Variants in TENM4 observed in about 807,000 individuals in gnomAD.
The protein encoded by TENM4 is teneurin transmembrane protein 4, also known as teneurin-4.
In TENM4, 82 loss-of-function variants were observed where a neutral mutation model predicts 243.3. That is an observed-to-expected ratio of 0.34 (90% CI 0.28 to 0.40). The LOEUF is 0.40. TENM4 is among the 10% of genes least tolerant of loss of function. The probability of loss-of-function intolerance (pLI) is 1.00; values close to 1 mark genes in which losing one functional copy is unlikely to be tolerated. For synonymous variants in TENM4, 1,412 were observed against 1,456.3 expected (o/e 0.97, Z 0.69); for missense variants, 3,138 against 3,673.3 (o/e 0.85, Z 3.77).
chr11:79,420,899 A>C (rs983233100), intron 1 of TENM4, among the ~76,000 whole-genome samples: 2 of 152,162 alleles, frequency 1.3e-5, no homozygotes, highest in Admixed American at 1.3e-4. Context: ...CAGGGATGAT[A>C]CTTCAACTTC....
chr11:78,730,534 C>T (rs761244943), intron 21 of TENM4, among the ~76,000 whole-genome samples: 10 of 152,230 alleles, frequency 6.6e-5, no homozygotes, highest in Admixed American at 6.5e-4. Context: ...AAGGCTATGA[C>T]CCGGGGAACG....
At chr11:79,017,397 C>T (rs373514798) in intron 6 of TENM4, among the ~76,000 whole-genome samples, 92 of 152,192 alleles carry the variant, frequency 6.0e-4, no homozygotes, top group African/African-American at 2.2e-3. Context: ...TGGCTACTGT[C>T]CTGGATACCA....
intron 3 of TENM4, among the ~76,000 whole-genome samples, chr11:79,161,096 G>A (rs1459307137): frequency 6.6e-6 from 1 of 152,190 alleles, no homozygotes; most frequent in Admixed American, 6.5e-5. Flanking sequence ...AAGAAGCCCT[G>A]AAGAACCTTG....
chr11:78,991,686 T>C (rs1858050708), intron 6 of TENM4, among the ~76,000 whole-genome samples: 1 of 152,220 alleles, frequency 6.6e-6, no homozygotes, highest in South Asian at 2.1e-4. Flanking sequence ...CTCACAGCCA[T>C]GCAGGGAGAC....
chr11:78,970,531 C>G (rs1244636631), intron 6 of TENM4, among the ~76,000 whole-genome samples: 1 of 152,160 alleles, frequency 6.6e-6, no homozygotes, highest in Admixed American at 6.6e-5. Flanking sequence ...CAGTAAAGTA[C>G]ATATTCAGTT....
At chr11:79,404,745 C>T (rs890954351) in intron 1 of TENM4, among the ~76,000 whole-genome samples, 1 of 152,060 alleles carries the variant, frequency 6.6e-6, no homozygotes, top group African/African-American at 2.4e-5. Context: ...TACCCACCTG[C>T]TCAACATTAA....
At chr11:78,938,254 T>A (rs1019750983) in intron 6 of TENM4, among the ~76,000 whole-genome samples, 2 of 152,238 alleles carry the variant, frequency 1.3e-5, no homozygotes, top group Non-Finnish European at 2.9e-5. Context: ...CCATTCACCC[T>A]AGGTGCTGGC....
At chr11:79,353,452 G>GA (rs1252550538) in intron 1 of TENM4, among the ~76,000 whole-genome samples, 3 of 151,862 alleles carry the variant, frequency 2.0e-5, no homozygotes, top group Admixed American at 6.6e-5. Flanking sequence ...GGTTTTTGGG[G>GA]AAAAAAATAG....
intron 1 of TENM4, among the ~76,000 whole-genome samples, chr11:79,353,224 G>A (rs17138184): frequency 0.27 from 40,537 of 151,980 alleles, 5,706 homozygotes; most frequent in Middle Eastern, 0.37. Flanking sequence ...GGACCAGATC[G>A]TCATTGACAT....
rs1855604558 is a variant in TENM4 at position 78,729,663 on chromosome 11, C to T, written c.3139-20G>A. 1.3e-6 allele frequency: 2 copies of T among 1,595,130 alleles called. No individual in the cohort carries two copies. The highest frequency in any genetic ancestry group is 1.7e-6 in the Non-Finnish European group (2 of 1,169,596). Reference sequence around the variant, plus strand: ...CAAAGCCTAGAAAGCAGAGGCAGATCACAGCAAGGGACGGTCGTCGACTCA... The same window carrying T: ...CAAAGCCTAGAAAGCAGAGGCAGATTACAGCAAGGGACGGTCGTCGACTCA... On this transcript the variant is annotated intron_variant, in intron 21 of 33. Transcript: ENST00000278550.
intron 4 of TENM4, among the ~76,000 whole-genome samples, chr11:79,145,950 T>C (rs949708704): frequency 2.0e-5 from 3 of 152,120 alleles, no homozygotes; most frequent in African/African-American, 7.2e-5. Context: ...TGCCCATTTT[T>C]CTATTAGGCT....
chr11:79,393,956 G>A (rs955327678), intron 1 of TENM4, among the ~76,000 whole-genome samples: 1 of 152,130 alleles, frequency 6.6e-6, no homozygotes, highest in Non-Finnish European at 1.5e-5. Context: ...ACTGAAGGAG[G>A]GAGGGGAGCA....
At chr11:79,292,295 A>G (rs79163924) in intron 2 of TENM4, among the ~76,000 whole-genome samples, 5,371 of 151,798 alleles carry the variant, frequency 0.035, 316 homozygotes, top group East Asian at 0.28. Context: ...AGCATGCTGT[A>G]GTGGACTTGC....
At chr11:78,794,671 A>T (rs1295350863) in intron 15 of TENM4, among the ~76,000 whole-genome samples, 1 of 152,234 alleles carries the variant, frequency 6.6e-6, no homozygotes, top group Non-Finnish European at 1.5e-5. Context: ...ATAAAGGCAC[A>T]GAGACCAGGG....
intron 1 of TENM4, among the ~76,000 whole-genome samples, chr11:79,383,885 T>C (rs182315199): frequency 2.6e-5 from 4 of 152,280 alleles, no homozygotes; most frequent in Admixed American, 2.6e-4. Context: ...GGCACAGAAA[T>C]GAATGTTCAC....
intron 3 of TENM4, among the ~76,000 whole-genome samples, chr11:79,196,177 G>C (rs773623273): frequency 4.0e-4 from 61 of 152,120 alleles, no homozygotes; most frequent in Middle Eastern, 6.8e-3. Flanking sequence ...TCCCAGTTTC[G>C]GGTATGTCTT....
intron 32 of TENM4, 94 bp from the exon 33 acceptor site, chr11:78,661,685 G>A: frequency 6.7e-7 from 1 of 1,493,720 alleles, no homozygotes. Context: ...GCTGCAGGGT[G>A]TGGTGAGGGT....
chr11:79,193,612 A>G (rs1863562780), intron 3 of TENM4, among the ~76,000 whole-genome samples: 1 of 152,190 alleles, frequency 6.6e-6, no homozygotes, highest in South Asian at 2.1e-4. Context: ...AGACTGACAC[A>G]TCTGATCCTA....
chr11:78,831,192 C>A (rs1276868317), intron 12 of TENM4, among the ~76,000 whole-genome samples: 1 of 152,196 alleles, frequency 6.6e-6, no homozygotes, highest in Non-Finnish European at 1.5e-5. Flanking sequence ...GGATTAATTG[C>A]TTTCTTCTCT....
Sources: allele counts gnomAD v4.1 joint callset (sites outside exome capture counted in the v4.1 genomes callset), GRCh38; gene constraint gnomAD v4.1.1; transcripts MANE v1.5; gene names NCBI Gene and HGNC (gene_info 2026-07-23, HGNC 2026-07-21).